KCNH1: variants seen among roughly 807,000 people sequenced by gnomAD.
The protein encoded by KCNH1 is voltage-gated delayed rectifier potassium channel KCNH1.
A neutral mutation model predicts 69.2 loss-of-function variants in KCNH1; 27 were observed. The ratio of observed to expected loss-of-function variants is 0.39; its 90% CI spans 0.29 to 0.54. The LOEUF (loss-of-function observed/expected upper bound fraction) is 0.54, where lower values mean the gene tolerates loss of function less well. Ranked by LOEUF, KCNH1 falls within the 20% of genes least tolerant of loss-of-function variation. KCNH1 has a pLI of 0.68. For missense variants in KCNH1, 798 were observed against 1,261.6 expected (o/e 0.63, Z 5.57); for synonymous variants, 456 against 487.7 (o/e 0.93, Z 0.86).
In KCNH1 at chr1:211,082,806, C is replaced by G. The variant is rs769228266; in HGVS notation, c.532G>C (p.Val178Leu). Reference sequence around the variant, plus strand: ...TCTGCCAGGCGGGAGTGCTTGTGGACATTCTCGCCTTTTTGCACGCTTGGA... The same window carrying G: ...TCTGCCAGGCGGGAGTGCTTGTGGAGATTCTCGCCTTTTTGCACGCTTGGA... ...LAPSVQKGEN[V>L]HKHSRLAEVL... Residue 178 changes from valine (V) to leucine (L), a missense_variant, in exon 5 of 11, where the codon GTC becomes CTC. By Grantham distance (32) the Val-to-Leu change is conservative. Around this residue, in one of 4 missense-constraint regions of KCNH1, gnomAD observed 266 missense variants for 457.2 expected, o/e 0.58. Coordinates refer to ENST00000271751, the MANE Select transcript of KCNH1 (RefSeq NM_172362.3). 3 of 1,613,970 alleles carry G rather than the reference C, an allele frequency of 1.9e-6. No individual in the cohort carries two copies. Among genetic ancestry groups the G allele is most frequent in the African/African-American group, 2.7e-5 (2 of 74,918 alleles).
chr1:210,901,039 A>T (rs1686984643), intron 7 of KCNH1, among the ~76,000 whole-genome samples: 1 of 152,048 alleles, frequency 6.6e-6, no homozygotes, highest in South Asian at 2.1e-4. Flanking sequence ...CGGCTTCTAG[A>T]TCTATATCTC....
chr1:210,831,213 C>T (rs1229448356), intron 7 of KCNH1, among the ~76,000 whole-genome samples: 1 of 152,162 alleles, frequency 6.6e-6, no homozygotes, highest in African/African-American at 2.4e-5. Flanking sequence ...ATGCTTTATT[C>T]TGTTTAAGTT....
At chr1:210,981,560 T>C (rs1487304983) in intron 6 of KCNH1, among the ~76,000 whole-genome samples, 1 of 152,106 alleles carries the variant, frequency 6.6e-6, no homozygotes, top group Non-Finnish European at 1.5e-5. Flanking sequence ...ATGTCTTCAT[T>C]TGCTAGCTAT....
chr1:210,718,618 A>ATG (rs59583947), intron 10 of KCNH1, among the ~76,000 whole-genome samples: 23,689 of 71,500 alleles, frequency 0.33, 6,682 homozygotes, highest in African/African-American at 0.53. Flanking sequence ...AATTATATGT[A>ATG]TGTGTGTATA....
At chr1:210,953,597 T>C (rs966792392) in intron 6 of KCNH1, among the ~76,000 whole-genome samples, 2 of 152,208 alleles carry the variant, frequency 1.3e-5, no homozygotes, top group African/African-American at 2.4e-5. Context: ...TTGGTCTCCC[T>C]GGCTCAGGTG....
chr1:210,889,598 A>C (rs1256369684), intron 7 of KCNH1, among the ~76,000 whole-genome samples: 1 of 152,224 alleles, frequency 6.6e-6, no homozygotes, highest in Non-Finnish European at 1.5e-5. Context: ...TCAAATAGGA[A>C]GAGAGGAAGT....
At chr1:210,910,740 T>A (rs1293901914) in intron 7 of KCNH1, among the ~76,000 whole-genome samples, 1 of 152,226 alleles carries the variant, frequency 6.6e-6, no homozygotes, top group Non-Finnish European at 1.5e-5. Flanking sequence ...GACATAAAAG[T>A]GTTGGGAGAG....
At chr1:210,976,221 A>G (rs1394316176) in intron 6 of KCNH1, among the ~76,000 whole-genome samples, 2 of 152,078 alleles carry the variant, frequency 1.3e-5, no homozygotes, top group African/African-American at 2.4e-5. Flanking sequence ...AACTAGAAAT[A>G]CCATTTGACC....
Position 210,794,043 on chromosome 1 carries a change from C to A in KCNH1, c.1915+3465G>T, listed in dbSNP as rs1386991207. Among the ~76,000 whole-genome samples, 7 of 152,140 alleles carry A rather than the reference C, an allele frequency of 4.6e-5. No individual in the cohort carries two copies. The East Asian group carries it at 7.7e-4, about 17-fold the overall frequency. The stretch of plus-strand genomic sequence containing the variant: ...GATTGTACTGAAGGGCATCAACAGA[C>A]AATATAGTTATAATACCCATTTGAT... On this transcript the variant is annotated intron_variant, in intron 9 of 10. Coordinates refer to ENST00000271751, the MANE Select transcript of KCNH1 (RefSeq NM_172362.3).
intron 9 of KCNH1, among the ~76,000 whole-genome samples, chr1:210,782,702 G>T (rs1684010830): frequency 6.6e-6 from 1 of 151,728 alleles, no homozygotes; most frequent in South Asian, 2.1e-4. Context: ...TTCTGTCCTG[G>T]GCAACAACAG....
intron 6 of KCNH1, among the ~76,000 whole-genome samples, chr1:210,995,734 A>C (rs1244894520): frequency 1.3e-5 from 2 of 152,224 alleles, no homozygotes; most frequent in Non-Finnish European, 1.5e-5. Context: ...CAGGTCAGGT[A>C]TCTTCAAGTA....
At chr1:210,727,778 T>C (rs749169374) in intron 10 of KCNH1, among the ~76,000 whole-genome samples, 29 of 152,170 alleles carry the variant, frequency 1.9e-4, no homozygotes, top group Non-Finnish European at 3.2e-4. Flanking sequence ...CTTTCCAATA[T>C]TCAAAACAGT....
intron 10 of KCNH1, among the ~76,000 whole-genome samples, chr1:210,754,512 G>A (rs1013585190): frequency 1.3e-5 from 2 of 152,240 alleles, no homozygotes; most frequent in African/African-American, 4.8e-5. Context: ...GATAGGAGGT[G>A]TGTGGGTCAC....
intron 7 of KCNH1, among the ~76,000 whole-genome samples, chr1:210,872,047 T>C (rs1355962811): frequency 1.4e-5 from 2 of 146,736 alleles, no homozygotes; most frequent in South Asian, 2.2e-4. Flanking sequence ...AAACTTAAAG[T>C]ATAATAATAA....
At chr1:210,780,919 T>C (rs1205289030) in intron 9 of KCNH1, among the ~76,000 whole-genome samples, 5 of 151,966 alleles carry the variant, frequency 3.3e-5, no homozygotes, top group Admixed American at 6.6e-5. Flanking sequence ...TGGTGGCAGG[T>C]GCCTGTAGTC....
chr1:210,802,057 C>T (rs1161842433), intron 8 of KCNH1, among the ~76,000 whole-genome samples: 1 of 152,170 alleles, frequency 6.6e-6, no homozygotes, highest in East Asian at 1.9e-4. Flanking sequence ...TGCTTACCCC[C>T]TTCAAGAAGG....
chr1:210,841,743 T>C (rs745470423), intron 7 of KCNH1, among the ~76,000 whole-genome samples: 3 of 152,148 alleles, frequency 2.0e-5, no homozygotes, highest in Non-Finnish European at 2.9e-5. Flanking sequence ...GTTTTTCCCC[T>C]GTGTATATAC....
chr1:210,718,465 G>T (rs370135103), intron 10 of KCNH1, among the ~76,000 whole-genome samples: 8 of 9,232 alleles, frequency 8.7e-4, no homozygotes, highest in African/African-American at 3.0e-3. Context: ...ATACATATAT[G>T]TATATATATA....
intron 6 of KCNH1, among the ~76,000 whole-genome samples, chr1:211,011,660 C>T (rs577669738): frequency 3.7e-4 from 56 of 152,254 alleles, no homozygotes; most frequent in African/African-American, 1.3e-3. Context: ...TTAATCACTG[C>T]TTCCTGGAAG....
Sources: gnomAD v4.1 joint callset for allele counts (sites outside exome capture counted in the v4.1 genomes callset) on GRCh38, gnomAD v4.1.1 for gene constraint, gnomAD v4.1.1 regional missense constraint, MANE v1.5 for transcripts, NCBI Gene and HGNC (gene_info 2026-07-23, HGNC 2026-07-21) for gene names.